The following LSAMP variants were observed in gnomAD, a reference collection of about 807,000 sequenced individuals.
LSAMP encodes limbic system-associated membrane protein.
In LSAMP, 7 loss-of-function variants were observed where a neutral mutation model predicts 38.6. That is an observed-to-expected ratio of 0.18 (90% CI 0.10 to 0.34). LSAMP has a LOEUF of 0.34. Among genes scored for constraint, LSAMP ranks in the 10% least tolerant of loss-of-function variants. The pLI, the probability that LSAMP is intolerant of heterozygous loss-of-function variation, is 1.00. For missense variants in LSAMP, 313 were observed against 420.0 expected, an observed-to-expected ratio of 0.75 and a Z score of 2.23; for synonymous variants, 154 against 166.8, an observed-to-expected ratio of 0.92 and a Z score of 0.59.
chr3:116,264,599 G>A (rs1452240129), intron 1 of LSAMP, among the ~76,000 whole-genome samples: 1 of 151,948 alleles, frequency 6.6e-6, no homozygotes, highest in Non-Finnish European at 1.5e-5. Context: ...CAGTTTTGTG[G>A]GTTTTTGTTT....
At chr3:116,344,809 AG>A in intron 1 of LSAMP, among the ~76,000 whole-genome samples, 1 of 152,306 alleles carries the variant, frequency 6.6e-6, no homozygotes, top group South Asian at 2.1e-4. Flanking sequence ...TCTAGCACTG[AG>A]GTTCAAAGCC....
intron 2 of LSAMP, among the ~76,000 whole-genome samples, chr3:116,077,646 G>A (rs1407995304): frequency 6.6e-6 from 1 of 152,112 alleles, no homozygotes; most frequent in Non-Finnish European, 1.5e-5. Context: ...CAAGTTTAAT[G>A]AAAAGTTATA....
intron 1 of LSAMP, among the ~76,000 whole-genome samples, chr3:116,395,584 T>TC (rs2048757466): frequency 1.3e-5 from 2 of 151,850 alleles, no homozygotes; most frequent in Non-Finnish European, 2.9e-5. Context: ...GCTCTGGGAG[T>TC]TGCAAGCAAG....
At position 116,397,386 on chromosome 3, in the gene LSAMP, G is replaced by A. The variant is rs1017029871; in HGVS notation, c.155+47491C>T. On this transcript the variant is annotated intron_variant, in intron 1 of 6. Coordinates refer to ENST00000490035, the MANE Select transcript of LSAMP (RefSeq NM_002338.5). ...TCAGCCTACCCTATTTAAAATACCCGCCCCCCCCCCACACACACATACACA... is the reference window on the plus strand; with the variant it reads ...TCAGCCTACCCTATTTAAAATACCCACCCCCCCCCCACACACACATACACA... 6.0e-5 allele frequency among the ~76,000 whole-genome samples: 6 copies of A among 100,058 alleles called. No homozygotes were observed. In the South Asian group the frequency reaches 1.0e-3, roughly 17 times the overall value. 65.6% of individuals were successfully genotyped at this position (100,058 alleles called of 152,430 possible). A position where few individuals can be genotyped will look rare whatever the true frequency, so the allele number is the denominator to read the frequency against.
chr3:116,151,969 G>A (rs1306240861), intron 1 of LSAMP, among the ~76,000 whole-genome samples: 1 of 152,038 alleles, frequency 6.6e-6, no homozygotes, highest in African/African-American at 2.4e-5. Context: ...ACTTATATTT[G>A]TCTCCAGTGT....
chr3:116,271,154 A>T (rs2046966717), intron 1 of LSAMP, among the ~76,000 whole-genome samples: 1 of 152,220 alleles, frequency 6.6e-6, no homozygotes, highest in South Asian at 2.1e-4. Context: ...ACAATAAAAA[A>T]CAGAATTCAG....
chr3:116,418,187 C>G (rs950675381), intron 1 of LSAMP, among the ~76,000 whole-genome samples: 1 of 152,116 alleles, frequency 6.6e-6, no homozygotes, highest in Non-Finnish European at 1.5e-5. Flanking sequence ...TTTTAAAGTA[C>G]AAATCTTTCT....
chr3:116,310,942 A>G (rs2047550704), intron 1 of LSAMP, among the ~76,000 whole-genome samples: 1 of 149,968 alleles, frequency 6.7e-6, no homozygotes, highest in African/African-American at 2.5e-5. Context: ...AATCATGGAT[A>G]TGAATAGTTC....
At chr3:116,080,756 T>C (rs1707854430) in intron 2 of LSAMP, among the ~76,000 whole-genome samples, 1 of 152,204 alleles carries the variant, frequency 6.6e-6, no homozygotes, top group Non-Finnish European at 1.5e-5. Context: ...CTTCAGCATA[T>C]AAAATTCAAA....
chr3:116,134,049 G>C (rs1709192153), intron 1 of LSAMP, among the ~76,000 whole-genome samples: 1 of 152,130 alleles, frequency 6.6e-6, no homozygotes. Flanking sequence ...AATATGATCT[G>C]AACAGGCCAC....
chr3:115,820,776 T>C (rs1024795009), intron 6 of LSAMP, among the ~76,000 whole-genome samples: 4 of 152,168 alleles, frequency 2.6e-5, no homozygotes, highest in African/African-American at 7.2e-5. Flanking sequence ...AATGAATCAA[T>C]TAATACCTCA....
intron 3 of LSAMP, among the ~76,000 whole-genome samples, chr3:115,948,110 T>C (rs545895085): frequency 3.4e-4 from 52 of 152,328 alleles, no homozygotes; most frequent in African/African-American, 1.2e-3. Flanking sequence ...CAATCTCTTC[T>C]GAATAAGGTC....
intron 3 of LSAMP, among the ~76,000 whole-genome samples, chr3:115,967,871 G>A (rs1207617187): frequency 6.6e-6 from 1 of 152,090 alleles, no homozygotes; most frequent in Non-Finnish European, 1.5e-5. Context: ...CACAACATGT[G>A]GGAATTATGG....
At chr3:116,282,432 G>GT (rs1246875557) in intron 1 of LSAMP, among the ~76,000 whole-genome samples, 2 of 152,106 alleles carry the variant, frequency 1.3e-5, no homozygotes, top group Non-Finnish European at 2.9e-5. Flanking sequence ...GTCTGTCATT[G>GT]TAACATTCTT....
At chr3:115,979,434 A>AAT (rs1480379884) in intron 3 of LSAMP, among the ~76,000 whole-genome samples, 1 of 152,124 alleles carries the variant, frequency 6.6e-6, no homozygotes, top group Non-Finnish European at 1.5e-5. Flanking sequence ...TCCATTATGA[A>AAT]ATATATATAT....
chr3:116,181,938 T>C (rs1011746923), intron 1 of LSAMP, among the ~76,000 whole-genome samples: 2 of 151,976 alleles, frequency 1.3e-5, no homozygotes, highest in East Asian at 1.9e-4. Context: ...TGTTTCAGTC[T>C]ATCCAATGAT....
chr3:116,207,031 G>A (rs1241070528), intron 1 of LSAMP, among the ~76,000 whole-genome samples: 4 of 151,328 alleles, frequency 2.6e-5, no homozygotes, highest in Non-Finnish European at 5.9e-5. Flanking sequence ...ATTAATGTGT[G>A]GGAGTCTAAG....
At chr3:116,433,924 A>G (rs997821421) in intron 1 of LSAMP, among the ~76,000 whole-genome samples, 1 of 152,188 alleles carries the variant, frequency 6.6e-6, no homozygotes, top group Non-Finnish European at 1.5e-5. Context: ...TGCTTTGTCT[A>G]GGTCCCTATG....
In LSAMP at chr3:116,411,590, CACA is replaced by C. The variant is rs1260819869; in HGVS notation, c.155+33284_155+33286del. On this transcript the variant is annotated intron_variant, in intron 1 of 6. Transcript: ENST00000490035. ...AAACTGAACAATGAGAACACACAGA[CACA>C]GGAAGGGGAACATCTCACTCTGGGG... 1.0e-4 allele frequency among the ~76,000 whole-genome samples: 13 copies of C among 127,374 alleles called. No individual in the cohort carries two copies. The Admixed American group carries it at 1.3e-3, about 13-fold the overall frequency. The allele number at this position is 127,374 out of a possible 152,430, so 83.6% of individuals were successfully genotyped here.
Sources: allele counts gnomAD v4.1 joint callset (sites outside exome capture counted in the v4.1 genomes callset), GRCh38; gene constraint gnomAD v4.1.1; transcripts MANE v1.5; gene names NCBI Gene and HGNC (gene_info 2026-07-23, HGNC 2026-07-21).